CNTNAP2: variants seen among roughly 807,000 people sequenced by gnomAD.
The protein encoded by CNTNAP2 is contactin associated protein 2, also known as contactin-associated protein-like 2.
A neutral mutation model predicts 155.2 loss-of-function variants in CNTNAP2; 98 were observed. The observed-to-expected ratio is 0.63, with a 90% CI of 0.54 to 0.75. The LOEUF is 0.75. Among genes scored for constraint, CNTNAP2 ranks in the 30% least tolerant of loss-of-function variants. The probability of loss-of-function intolerance (pLI) is 0.00; values close to 1 mark genes in which losing one functional copy is unlikely to be tolerated. For missense variants in CNTNAP2, 1,727 were observed against 1,688.1 expected, an observed-to-expected ratio of 1.02 and a Z score of -0.40; for synonymous variants, 651 against 631.2, an observed-to-expected ratio of 1.03 and a Z score of -0.47.
At chr7:146,141,609 T>G (rs1797882816) in intron 1 of CNTNAP2, among the ~76,000 whole-genome samples, 1 of 152,162 alleles carries the variant, frequency 6.6e-6, no homozygotes, top group Non-Finnish European at 1.5e-5. Context: ...ATTGTAAGAT[T>G]GTACCTTTCA....
chr7:147,740,011 G>A (rs984569235), intron 13 of CNTNAP2, among the ~76,000 whole-genome samples: 2 of 152,154 alleles, frequency 1.3e-5, no homozygotes, highest in African/African-American at 2.4e-5. Context: ...CCAGGTGTCT[G>A]TGTAGCTTTG....
At chr7:147,095,960 C>T (rs1041322944) in intron 4 of CNTNAP2, among the ~76,000 whole-genome samples, 6 of 152,154 alleles carry the variant, frequency 3.9e-5, no homozygotes, top group African/African-American at 7.2e-5. Context: ...TTGGACCCCT[C>T]GTAAAAGTAG....
intron 21 of CNTNAP2, among the ~76,000 whole-genome samples, chr7:148,313,149 A>C (rs111240250): frequency 1.3e-5 from 2 of 151,638 alleles, no homozygotes; most frequent in Non-Finnish European, 2.9e-5. Flanking sequence ...TACCCACAAC[A>C]GTTACGGAGG....
At chr7:147,925,057 T>G (rs1800359863) in intron 14 of CNTNAP2, among the ~76,000 whole-genome samples, 1 of 151,116 alleles carries the variant, frequency 6.6e-6, no homozygotes, top group African/African-American at 2.4e-5. Context: ...AGGCAGAGGT[T>G]GCAGTGAGCC....
chr7:148,006,100 A>C (rs565369602), intron 15 of CNTNAP2, among the ~76,000 whole-genome samples: 88 of 152,286 alleles, frequency 5.8e-4, no homozygotes, highest in Middle Eastern at 6.8e-3. Context: ...CCCATTACTA[A>C]CAAATCTCCA....
chr7:146,304,458 AG>A (rs1428422758), intron 1 of CNTNAP2, among the ~76,000 whole-genome samples: 2 of 151,996 alleles, frequency 1.3e-5, no homozygotes, highest in Admixed American at 1.3e-4. Flanking sequence ...CTTGTAAGGC[AG>A]GCCTGGTGGT....
intron 2 of CNTNAP2, among the ~76,000 whole-genome samples, chr7:146,816,441 T>A (rs989679656): frequency 6.6e-6 from 1 of 152,212 alleles, no homozygotes; most frequent in South Asian, 2.1e-4. Flanking sequence ...GTATTCCCAA[T>A]CGAGGACCTC....
chr7:146,604,753 G>C (rs1471479817), intron 1 of CNTNAP2, among the ~76,000 whole-genome samples: 1 of 141,348 alleles, frequency 7.1e-6, no homozygotes, highest in Non-Finnish European at 1.6e-5. Flanking sequence ...CATAAAAAAT[G>C]ATGAGTTCAT....
chr7:146,375,774 C>T (rs910221290), intron 1 of CNTNAP2, among the ~76,000 whole-genome samples: 23 of 152,164 alleles, frequency 1.5e-4, no homozygotes, highest in Admixed American at 1.5e-3. Flanking sequence ...CATCGTGTGA[C>T]CCAGTGTACA....
Position 146,312,327 on chromosome 7 carries a change from C to T in CNTNAP2, c.97+195354C>T, listed in dbSNP as rs534669949. 2.6e-4 allele frequency among the ~76,000 whole-genome samples: 40 copies of T among 152,152 alleles called. No homozygotes were observed. The South Asian group carries it at 6.4e-3, about 24-fold the overall frequency. On this transcript the variant is annotated intron_variant, in intron 1 of 23. Coordinates refer to ENST00000361727, the MANE Select transcript of CNTNAP2 (RefSeq NM_014141.6). ...GTGAGAGTTAGTTGATGAGAGGATTCGAAGCTCTAACATCTCGGAATAACT... is the reference window on the plus strand; with the variant it reads ...GTGAGAGTTAGTTGATGAGAGGATTTGAAGCTCTAACATCTCGGAATAACT...
At chr7:146,657,624 T>TAAA (rs1800017285) in intron 1 of CNTNAP2, among the ~76,000 whole-genome samples, 1 of 152,182 alleles carries the variant, frequency 6.6e-6, no homozygotes, top group Non-Finnish European at 1.5e-5. Context: ...TATCTTTGAA[T>TAAA]ACTGGTTTTG....
At chr7:147,375,225 A>C (rs1340499594) in intron 9 of CNTNAP2, among the ~76,000 whole-genome samples, 2 of 151,950 alleles carry the variant, frequency 1.3e-5, no homozygotes, top group Non-Finnish European at 2.9e-5. Flanking sequence ...TGGCTGTATG[A>C]GAATGAACTA....
intron 8 of CNTNAP2, among the ~76,000 whole-genome samples, chr7:147,231,276 T>A (rs907838645): frequency 1.3e-5 from 2 of 152,248 alleles, no homozygotes; most frequent in African/African-American, 4.8e-5. Flanking sequence ...CCTTCTTTTT[T>A]AAGGCTGAAT....
chr7:147,639,131 T>C lies in CNTNAP2; in HGVS notation c.1923T>C (p.Ser641=). The C allele has an allele frequency of 6.2e-7, 1 of 1,614,138 alleles. No homozygotes were observed. Among genetic ancestry groups the C allele is most frequent in the Middle Eastern group, 1.7e-4 (1 of 6,060 alleles). ...MTEDKVWTIV[S]HDLQMQTPVV... ...AGGACAAAGTGTGGACCATAGTGTC[T>C]CATGACTTGCAGATGCAGACGCCTG... is the stretch of plus-strand genomic sequence containing the variant. The change falls in exon 13 of 24, where the codon TCT becomes TCC. Residue 641 remains serine (S), a synonymous_variant. Transcript: ENST00000361727.
chr7:146,738,841 G>GTT (rs573424179), intron 1 of CNTNAP2, among the ~76,000 whole-genome samples: 2,612 of 133,584 alleles, frequency 0.02, 38 homozygotes, highest in African/African-American at 0.056. Context: ...AAGATTTTCT[G>GTT]TTTTTTTTTT....
At chr7:147,601,209 G>A (rs556451449) in intron 12 of CNTNAP2, among the ~76,000 whole-genome samples, 4 of 152,150 alleles carry the variant, frequency 2.6e-5, no homozygotes, top group South Asian at 2.1e-4. Flanking sequence ...TTTCACTGGC[G>A]TCCCTGTGAA....
intron 13 of CNTNAP2, among the ~76,000 whole-genome samples, chr7:147,723,209 T>C (rs181479907): frequency 4.1e-4 from 62 of 152,120 alleles, no homozygotes; most frequent in Admixed American, 2.5e-3. Flanking sequence ...GTTGAAGATA[T>C]TTCAAAGTAA....
intron 3 of CNTNAP2, among the ~76,000 whole-genome samples, chr7:146,984,630 A>G (rs992613648): frequency 1.4e-4 from 22 of 152,272 alleles, no homozygotes; most frequent in African/African-American, 4.8e-4. Flanking sequence ...CTGGTGTCCT[A>G]CATCTCCACG....
chr7:146,506,379 A>G (rs1797385477), intron 1 of CNTNAP2, among the ~76,000 whole-genome samples: 2 of 152,212 alleles, frequency 1.3e-5, no homozygotes, highest in Non-Finnish European at 2.9e-5. Flanking sequence ...CCTCCCAGAT[A>G]TCTTACATAG....
Sources: allele counts gnomAD v4.1 joint callset (sites outside exome capture counted in the v4.1 genomes callset), GRCh38; gene constraint gnomAD v4.1.1; transcripts MANE v1.5; gene names NCBI Gene and HGNC (gene_info 2026-07-23, HGNC 2026-07-21).